Variants in DAPP1 observed in about 807,000 individuals in gnomAD.
DAPP1 encodes dual adaptor of phosphotyrosine and 3-phosphoinositides 1.
A neutral mutation model predicts 41.5 loss-of-function variants in DAPP1; 20 were observed. The ratio of observed to expected loss-of-function variants is 0.48; its 90% CI spans 0.34 to 0.70. DAPP1 has a LOEUF of 0.70. DAPP1 is among the 30% of genes least tolerant of loss of function. The probability of loss-of-function intolerance (pLI) is 0.01; values close to 1 mark genes in which losing one functional copy is unlikely to be tolerated. For missense variants in DAPP1, 233 were observed against 333.4 expected (o/e 0.70, Z 2.35); for synonymous variants, 113 against 116.2 (o/e 0.97, Z 0.18).
intron 1 of DAPP1, among the ~76,000 whole-genome samples, chr4:99,825,043 G>C (rs1025541544): frequency 6.6e-6 from 1 of 152,202 alleles, no homozygotes; most frequent in East Asian, 1.9e-4. Context: ...AGGCTCTGTG[G>C]ATTTTTCTTT....
chr4:99,848,527 C>A (rs940912036), intron 3 of DAPP1, among the ~76,000 whole-genome samples: 1 of 151,968 alleles, frequency 6.6e-6, no homozygotes, highest in East Asian at 1.9e-4. Context: ...CCGCGCCCTG[C>A]CCAGGAGCAG....
intron 4 of DAPP1, among the ~76,000 whole-genome samples, chr4:99,858,176 C>T (rs1021704225): frequency 2.6e-5 from 4 of 152,322 alleles, no homozygotes; most frequent in South Asian, 2.1e-4. Context: ...CAGTAAGTTC[C>T]GTCAGAGTAA....
At chr4:99,842,667 G>T (rs972903407) in intron 3 of DAPP1, among the ~76,000 whole-genome samples, 1 of 152,236 alleles carries the variant, frequency 6.6e-6, no homozygotes, top group South Asian at 2.1e-4. Flanking sequence ...ATTCCTCAAG[G>T]TTACGGAGTC....
chr4:99,863,314 T>C (rs1160150961), intron 6 of DAPP1, among the ~76,000 whole-genome samples: 21 of 152,194 alleles, frequency 1.4e-4, no homozygotes, highest in Admixed American at 1.4e-3. Flanking sequence ...TAATTCCCTC[T>C]GTTTAGGACA....
intron 1 of DAPP1, among the ~76,000 whole-genome samples, chr4:99,823,849 G>A (rs557386421): frequency 6.6e-6 from 1 of 151,986 alleles, no homozygotes; most frequent in South Asian, 2.1e-4. Context: ...GAATAGTCAG[G>A]AAGGAACAAG....
chr4:99,866,809 G>A (rs1195089641), intron 8 of DAPP1, among the ~76,000 whole-genome samples: 3 of 116,346 alleles, frequency 2.6e-5, no homozygotes, highest in African/African-American at 1.0e-4. Context: ...TCGTTCTGTT[G>A]CCCAGGCTGG....
intron 1 of DAPP1, among the ~76,000 whole-genome samples, chr4:99,830,989 A>G (rs1723102298): frequency 6.6e-6 from 1 of 152,232 alleles, no homozygotes; most frequent in South Asian, 2.1e-4. Flanking sequence ...TTTCATTAGA[A>G]CAAGCTAAAT....
At chr4:99,853,402 G>A in intron 4 of DAPP1, 54 bp downstream of exon 4, 1 of 1,555,462 alleles carries the variant, frequency 6.4e-7, no homozygotes, top group Non-Finnish European at 8.7e-7. Context: ...AATCAATCAA[G>A]TTCAATAAAA....
intron 3 of DAPP1, among the ~76,000 whole-genome samples, chr4:99,850,207 C>T (rs757226740): frequency 6.6e-5 from 10 of 152,158 alleles, no homozygotes; most frequent in East Asian, 3.9e-4. Context: ...GTCACGAGTT[C>T]GAGACCAGTC....
chr4:99,854,727 CT>C, intron 4 of DAPP1, among the ~76,000 whole-genome samples: 1 of 152,352 alleles, frequency 6.6e-6, no homozygotes, highest in East Asian at 1.9e-4. Flanking sequence ...TCCCTCAAGA[CT>C]GGTATCACGG....
At chr4:99,817,620 G>C (rs1394927583) in intron 1 of DAPP1, among the ~76,000 whole-genome samples, 1 of 152,172 alleles carries the variant, frequency 6.6e-6, no homozygotes, top group Non-Finnish European at 1.5e-5. Context: ...TAAAATTTCT[G>C]CTTCAAACAG....
rs1351651095 is a variant in DAPP1 at position 99,868,928 on chromosome 4, C to T, written c.*743C>T. On this transcript the variant is annotated 3_prime_UTR_variant, in exon 9 of 9. Transcript: ENST00000512369. ...GTAAATGTTTTAAAGAGTGAGAAAA[C>T]ATAAATTGAGAAAGGGTGATAAAGT... The T allele has an allele frequency of 6.6e-6, 1 of 151,940 alleles. No homozygotes were observed. The highest frequency in any genetic ancestry group is 6.6e-5 in the Admixed American group (1 of 15,262). The allele number at this position is 151,940 out of a possible 1,614,324, so 9.4% of individuals were successfully genotyped here. A position where few individuals can be genotyped will look rare whatever the true frequency, so the allele number is the denominator to read the frequency against.
chr4:99,871,439 C>A (rs887916074), downstream of DAPP1, among the ~76,000 whole-genome samples: 4 of 151,956 alleles, frequency 2.6e-5, no homozygotes, highest in African/African-American at 4.8e-5. Flanking sequence ...TAATCTATCA[C>A]AGACTGAGAT....
chr4:99,820,503 G>A (rs7698065), intron 1 of DAPP1, among the ~76,000 whole-genome samples: 81,919 of 152,038 alleles, frequency 0.54, 22,495 homozygotes, highest in African/African-American at 0.65. Flanking sequence ...CATAATAAAC[G>A]TTCTCTTTTT....
chr4:99,863,624 C>A (rs1724316966), intron 6 of DAPP1, 146 bp from the exon 7 acceptor site: 1 of 628,784 alleles, frequency 1.6e-6, no homozygotes, highest in Non-Finnish European at 2.7e-6. Flanking sequence ...CTTGGTAGGG[C>A]TTTTCTATTG....
chr4:99,839,407 GAT>G (rs939469517), intron 2 of DAPP1, among the ~76,000 whole-genome samples: 1 of 148,096 alleles, frequency 6.8e-6, no homozygotes, highest in Non-Finnish European at 1.5e-5. Context: ...GATATCTATA[GAT>G]ATATATATAG....
chr4:99,841,111 C>T (rs1723481037), intron 3 of DAPP1, among the ~76,000 whole-genome samples: 1 of 152,074 alleles, frequency 6.6e-6, no homozygotes, highest in Non-Finnish European at 1.5e-5. Context: ...CACTTTTGTC[C>T]TAAATAATGA....
chr4:99,836,580 C>A (rs1345311780), intron 2 of DAPP1, among the ~76,000 whole-genome samples: 1 of 152,188 alleles, frequency 6.6e-6, no homozygotes, highest in Non-Finnish European at 1.5e-5. Flanking sequence ...CCTCCATATA[C>A]CCTGGAGAGT....
Position 99,816,919 on chromosome 4 carries a change from C to T in DAPP1, c.6C>T (p.Gly2=), listed in dbSNP as rs751945064. Residue 2 remains glycine (G), a synonymous_variant, in exon 1 of 9, where the codon GGC becomes GGT. Transcript: ENST00000512369. The stretch of plus-strand genomic sequence containing the variant: ...TACCTCTGTGAAGGGCGCGAATGGG[C>T]AGAGCAGAACTTCTAGAAGGGAAGA... M[G]RAELLEGKMS... 41 of 1,606,004 alleles carry T rather than the reference C, an allele frequency of 2.6e-5. No homozygotes were observed. The highest frequency in any genetic ancestry group is 2.9e-5 in the Non-Finnish European group (34 of 1,176,446).
Sources: allele counts gnomAD v4.1 joint callset (sites outside exome capture counted in the v4.1 genomes callset), GRCh38; gene constraint gnomAD v4.1.1; transcripts MANE v1.5; gene names NCBI Gene and HGNC (gene_info 2026-07-23, HGNC 2026-07-21).